MUC17: variants seen among roughly 807,000 people sequenced by gnomAD.
MUC17 encodes the protein mucin 17, cell surface associated.
A neutral mutation model predicts 170.3 loss-of-function variants in MUC17; 190 were observed. That is an observed-to-expected ratio of 1.12 (90% CI 0.99 to 1.26). The LOEUF (loss-of-function observed/expected upper bound fraction) is 1.26, where lower values mean the gene tolerates loss of function less well. Ranked by LOEUF, MUC17 falls within the 50% of genes most tolerant of loss-of-function variation. The probability of loss-of-function intolerance (pLI) is 0.00; values close to 1 mark genes in which losing one functional copy is unlikely to be tolerated. For synonymous variants in MUC17, 2,325 were observed against 2,002.5 expected (o/e 1.16, Z -4.30); for missense variants, 6,415 against 5,530.0 (o/e 1.16, Z -5.08).
In MUC17 at chr7:101,032,286, T is replaced by G; in HGVS notation, c.870T>G (p.Ser290=). 6.2e-7 allele frequency: 1 copy of G among 1,613,932 alleles called. No homozygotes were observed. The highest frequency in any genetic ancestry group is 1.1e-5 in the South Asian group (1 of 91,050). The change falls in exon 3 of 13, where the codon TCT becomes TCG. Residue 290 remains serine (S), a synonymous_variant. Transcript: ENST00000306151. ...TCAGCGTGATGCTGGTGGTCAGTTC[T>G]GAGGCTAGCACCCTTTCAACAACTC... The part of the protein sequence containing the change: ...MPLSVMLVVS[S]EASTLSTTPA...
chr7:101,052,638 G>C (rs1010312908), intron 9 of MUC17, among the ~76,000 whole-genome samples: 2 of 152,144 alleles, frequency 1.3e-5, no homozygotes, highest in Admixed American at 1.3e-4. Flanking sequence ...AGAGAGGAAG[G>C]CTGGAAGTGA....
chr7:101,036,704 G>T lies in MUC17; in HGVS notation c.5288G>T (p.Ser1763Ile). 2.5e-6 allele frequency: 4 copies of T among 1,613,356 alleles called. No homozygotes were observed. In the East Asian group the frequency reaches 8.9e-5, roughly 36 times the overall value. ...SIPVSTTPVL[S>I]SEASTLSATP... ...CCTGTCAGCACCACGCCGGTACTCA[G>T]TTCTGAGGCTAGCACCCTTTCAGCA... The change falls in exon 3 of 13, where the codon AGT becomes ATT. Residue 1763 changes from serine (S) to isoleucine (I), a missense_variant. Transcript: ENST00000306151.
At chr7:101,024,490 A>T (rs1794147481) in intron 1 of MUC17, among the ~76,000 whole-genome samples, 3 of 151,810 alleles carry the variant, frequency 2.0e-5, no homozygotes, top group Admixed American at 2.0e-4. Flanking sequence ...TTGTGACCGC[A>T]ACTGCTTCTG....
intron 1 of MUC17, among the ~76,000 whole-genome samples, chr7:101,021,379 G>T (rs1794078674): frequency 1.3e-5 from 2 of 151,868 alleles, no homozygotes; most frequent in Admixed American, 1.3e-4. Flanking sequence ...GTAAGGACAG[G>T]GTTTCACCAT....
At position 101,032,421 on chromosome 7, in the gene MUC17, A is replaced by G. The variant is rs1314623527; in HGVS notation, c.1005A>G (p.Pro335=). ...PTSTYTEGST[P]LTSTPASTMP... is the part of the protein sequence containing the mutation. ...CAACTTATACTGAAGGAAGCACTCC[A>G]TTAACAAGTACGCCTGCCAGCACCA... The change falls in exon 3 of 13, where the codon CCA becomes CCG. Residue 335 remains proline, a synonymous_variant. Transcript: ENST00000306151. 2.5e-6 allele frequency: 4 copies of G among 1,613,802 alleles called. No individual in the cohort carries two copies. Among genetic ancestry groups the G allele is most frequent in the Admixed American group, 1.7e-5 (1 of 60,008 alleles).
At chr7:101,049,272 A>G (rs77235403) in intron 5 of MUC17, 52 bp from the exon 6 acceptor site, 308,157 of 1,612,414 alleles carry the variant, frequency 0.19, 31,899 homozygotes, top group Non-Finnish European at 0.21. Context: ...GATGTCCCAC[A>G]GAACGGCCCC....
At chr7:101,057,187 C>A (rs1795060539) in intron 12 of MUC17, among the ~76,000 whole-genome samples, 1 of 152,162 alleles carries the variant, frequency 6.6e-6, no homozygotes, top group Non-Finnish European at 1.5e-5. Context: ...ATCAGGTTTT[C>A]CCCTCATGAT....
At chr7:101,031,319 A>G in intron 2 of MUC17, 98 bp downstream of exon 2, 1 of 1,503,562 alleles carries the variant, frequency 6.7e-7, no homozygotes, top group Non-Finnish European at 8.9e-7. Context: ...CATATTTTAC[A>G]GTGTGTGACG....
Position 101,043,687 on chromosome 7 carries a change from A to G in MUC17, c.12271A>G (p.Thr4091Ala), listed in dbSNP as rs978233742. Reference sequence around the variant, plus strand: ...GACTGTGAACCCTGAGGCTGTCACCACCATGACCACCAGGACAAAACCCAG... The same window carrying G: ...GACTGTGAACCCTGAGGCTGTCACCGCCATGACCACCAGGACAAAACCCAG... ...STTVNPEAVT[T>A]MTTRTKPSTR... is the part of the protein sequence containing the mutation. Residue 4091 changes from threonine to alanine, a missense_variant, in exon 3 of 13, where the codon ACC becomes GCC. Coordinates refer to ENST00000306151, the MANE Select transcript of MUC17 (RefSeq NM_001040105.2). The G allele has an allele frequency of 6.2e-7, 1 of 1,613,934 alleles. No homozygotes were observed. The highest frequency in any genetic ancestry group is 1.1e-5 in the South Asian group (1 of 91,060).
Position 101,040,022 on chromosome 7 carries a change from C to A in MUC17, c.8606C>A (p.Thr2869Asn), listed in dbSNP as rs1794637941. The change falls in exon 3 of 13, where the codon ACT becomes AAT. Residue 2869 changes from threonine (T) to asparagine (N), a missense_variant. Physicochemically the swap from Thr to Asn is moderately conservative, Grantham distance 65. Transcript: ENST00000306151. ...ATCTCAACTGCTAGTGAAGGAAGTA[C>A]TCTATTAACAAGTATACCTGTCAGC... ...VPISTASEGS[T>N]LLTSIPVSTT... 1 of 1,613,132 alleles carries A rather than the reference C, an allele frequency of 6.2e-7. No individual in the cohort carries two copies. The highest frequency in any genetic ancestry group is 1.3e-5 in the African/African-American group (1 of 74,752).
In MUC17 at chr7:101,038,112, A is replaced by T. The variant is rs765048960; in HGVS notation, c.6696A>T (p.Val2232=). Reference sequence around the variant, plus strand: ...GTATGCCTGTCAGCACCATGCCGGTAGTTACTTCTGAGGCTAGCACCCTTT... The same window carrying T: ...GTATGCCTGTCAGCACCATGCCGGTTGTTACTTCTGAGGCTAGCACCCTTT... ...FTSMPVSTMP[V]VTSEASTLSA... The change falls in exon 3 of 13, where the codon GTA becomes GTT. Residue 2232 remains valine, a synonymous_variant. Coordinates refer to ENST00000306151, the MANE Select transcript of MUC17 (RefSeq NM_001040105.2). 2.9e-6 allele frequency: 4 copies of T among 1,394,792 alleles called. No individual in the cohort carries two copies. The Admixed American group carries it at 8.4e-5, about 29-fold the overall frequency. 86.4% of individuals were successfully genotyped at this position (1,394,792 alleles called of 1,614,324 possible). A position where few individuals can be genotyped will look rare whatever the true frequency, so the allele number is the denominator to read the frequency against.
At chr7:101,051,364 C>CAAA (rs398005597) in intron 7 of MUC17, among the ~76,000 whole-genome samples, 133 of 51,944 alleles carry the variant, frequency 2.6e-3, no homozygotes, top group Middle Eastern at 0.019. Flanking sequence ...TACTCCATCT[C>CAAA]AAAAAAAAAA....
rs756457667 is a variant in MUC17 at position 101,033,337 on chromosome 7, G to C, written c.1921G>C (p.Val641Leu). Residue 641 changes from valine (V) to leucine (L), a missense_variant, in exon 3 of 13, where the codon GTG becomes CTG. Transcript: ENST00000306151. ...AAGTATGTCTGTCAGCACCACACTG[G>C]TGGCCAGTTCTGAGGCTAGCACCCT... Reference protein sequence around the residue: ...ITSMSVSTTLVASSEASTLST... With the variant: ...ITSMSVSTTLLASSEASTLST... 8.1e-6 allele frequency: 13 copies of C among 1,613,618 alleles called. No individual in the cohort carries two copies. In the Admixed American group the frequency reaches 1.3e-4, roughly 17 times the overall value.
At chr7:101,048,167 C>A (rs756899235) in intron 4 of MUC17, 52 bp downstream of exon 4, 3 of 1,490,776 alleles carry the variant, frequency 2.0e-6, no homozygotes, top group Non-Finnish European at 2.7e-6. Context: ...ACCCGACCTC[C>A]ATACAAGCAA....
At position 101,040,539 on chromosome 7, in the gene MUC17, T is replaced by G; in HGVS notation, c.9123T>G (p.Pro3041=). The G allele has an allele frequency of 6.2e-7, 1 of 1,611,410 alleles. No homozygotes were observed. The highest frequency in any genetic ancestry group is 8.5e-7 in the Non-Finnish European group (1 of 1,179,156). The change falls in exon 3 of 13, where the codon CCT becomes CCG. Residue 3041 remains proline (P), a synonymous_variant. Transcript: ENST00000306151. ...GTACCGGCATACCAATCTCAACTCC[T>G]AGTGAAGGAAGTACTCCATTAACAA... ...AEGTGIPIST[P]SEGSTPLTSI... is the part of the protein sequence containing the mutation.
At position 101,033,444 on chromosome 7, in the gene MUC17, C is replaced by G; in HGVS notation, c.2028C>G (p.Thr676=). 9.3e-6 allele frequency: 15 copies of G among 1,613,548 alleles called. No individual in the cohort carries two copies. Among genetic ancestry groups the G allele is most frequent in the Non-Finnish European group, 1.3e-5 (15 of 1,179,746 alleles). Residue 676 remains threonine (T), a synonymous_variant, in exon 3 of 13, where the codon ACC becomes ACG. Transcript: ENST00000306151. ...CATCTTCTACAACTGCGGAAGGTAC[C>G]AGCATGCCAACCTCAACTTATACTG... ...ATSSSTTAEG[T]SMPTSTYTEG...
intron 3 of MUC17, 79 bp downstream of exon 3, chr7:101,043,898 T>C: frequency 7.5e-7 from 1 of 1,340,392 alleles, no homozygotes; most frequent in Non-Finnish European, 1.0e-6. Context: ...CGTGCAGGTT[T>C]GTTACCTATG....
chr7:101,047,535 T>G (rs1292349053), intron 3 of MUC17, among the ~76,000 whole-genome samples: 1 of 152,086 alleles, frequency 6.6e-6, no homozygotes, highest in East Asian at 1.9e-4. Context: ...AGTATCATAT[T>G]AGGCAGTGTC....
chr7:101,037,304 C>G lies in MUC17; in HGVS notation c.5888C>G (p.Ala1963Gly). Residue 1963 changes from alanine to glycine, a missense_variant, in exon 3 of 13, where the codon GCC (alanine) becomes GGC (glycine). By Grantham distance (60) the Ala-to-Gly change is moderately conservative. Transcript: ENST00000306151. The part of the protein sequence containing the change: ...TRTPVTTYSQ[A>G]SSSPTTADGT... ...ACACCTGTGACCACTTATTCTCAAG[C>G]CAGTTCATCTCCTACAACTGCTGAT... is the stretch of plus-strand genomic sequence containing the variant. 1.9e-6 allele frequency: 3 copies of G among 1,613,646 alleles called. No homozygotes were observed. Among genetic ancestry groups the G allele is most frequent in the Non-Finnish European group, 1.7e-6 (2 of 1,179,772 alleles).
Sources: allele counts gnomAD v4.1 joint callset (sites outside exome capture counted in the v4.1 genomes callset), GRCh38; gene constraint gnomAD v4.1.1; transcripts MANE v1.5; gene names NCBI Gene and HGNC (gene_info 2026-07-23, HGNC 2026-07-21).